The following AGBL1 variants were observed in gnomAD, a reference collection of about 807,000 sequenced individuals.
AGBL1 encodes the protein AGBL carboxypeptidase 1, also known as cytosolic carboxypeptidase 4.
A neutral mutation model predicts 118.9 loss-of-function variants in AGBL1; 130 were observed. The observed-to-expected ratio is 1.09, with a 90% CI of 0.95 to 1.26. AGBL1 has a LOEUF of 1.26. Among genes scored for constraint, AGBL1 ranks in the 50% most tolerant of loss-of-function variants. AGBL1 has a pLI of 0.00. For synonymous variants in AGBL1, 555 were observed against 478.9 expected, an observed-to-expected ratio of 1.16 and a Z score of -2.08; for missense variants, 1,584 against 1,298.1, an observed-to-expected ratio of 1.22 and a Z score of -3.38.
At chr15:86,751,610 A>C (rs2077853022) in intron 22 of AGBL1, among the ~76,000 whole-genome samples, 1 of 152,142 alleles carries the variant, frequency 6.6e-6, no homozygotes, top group African/African-American at 2.4e-5. Context: ...ATATTGCTAA[A>C]TTACCCTCCA....
At chr15:86,745,560 G>A (rs1567152722) in intron 22 of AGBL1, among the ~76,000 whole-genome samples, 2 of 151,914 alleles carry the variant, frequency 1.3e-5, no homozygotes, top group South Asian at 4.1e-4. Flanking sequence ...CAAAATCTTG[G>A]TCAAGGGGAG....
chr15:86,836,497 C>G (rs2079173374), intron 22 of AGBL1, among the ~76,000 whole-genome samples: 1 of 152,210 alleles, frequency 6.6e-6, no homozygotes, highest in African/African-American at 2.4e-5. Context: ...ACTTACCTTT[C>G]AGATTCTACT....
intron 21 of AGBL1, among the ~76,000 whole-genome samples, chr15:86,633,077 A>G (rs1327546878): frequency 6.6e-6 from 1 of 152,190 alleles, no homozygotes; most frequent in Non-Finnish European, 1.5e-5. Flanking sequence ...ATAAATCTAC[A>G]CTTAGACAAG....
rs371816461 is a variant in AGBL1 at position 86,347,627 on chromosome 15, TG to T, written c.2375-49738del. 2.2e-3 allele frequency among the ~76,000 whole-genome samples: 341 copies of T among 152,376 alleles called. 1 individual carries two copies. The highest frequency in any genetic ancestry group is 7.6e-3 in the African/African-American group (316 of 41,596). On this transcript the variant is annotated intron_variant, in intron 17 of 22. Coordinates refer to ENST00000614907, the MANE Select transcript of AGBL1 (RefSeq NM_001386094.1). ...AAGTAAATATATGCCTTCCTGAAGA[TG>T]TTGCATGTATATTTTCTATAAAATG...
At chr15:86,883,398 A>G (rs1000936050) in intron 22 of AGBL1, among the ~76,000 whole-genome samples, 1 of 152,194 alleles carries the variant, frequency 6.6e-6, no homozygotes, top group South Asian at 2.1e-4. Context: ...CGCTGTGCAC[A>G]CTATGGTCTC....
At chr15:86,286,735 G>GTGTGTATATATA in intron 16 of AGBL1, among the ~76,000 whole-genome samples, 11 of 106,240 alleles carry the variant, frequency 1.0e-4, no homozygotes, top group African/African-American at 4.3e-4. Context: ...GTTTGTGTGT[G>GTGTGTATATATA]TATATATATA....
intron 7 of AGBL1, among the ~76,000 whole-genome samples, chr15:86,249,304 C>T (rs928257508): frequency 6.6e-6 from 1 of 152,146 alleles, no homozygotes; most frequent in African/African-American, 2.4e-5. Flanking sequence ...CAGTTTTTCT[C>T]TATCTGAGTA....
At chr15:86,419,371 C>T (rs1375491961) in intron 18 of AGBL1, among the ~76,000 whole-genome samples, 6 of 152,114 alleles carry the variant, frequency 3.9e-5, no homozygotes, top group Non-Finnish European at 8.8e-5. Context: ...AGGAAACTCC[C>T]TCGTAGCCAA....
chr15:86,388,046 A>T (rs369287792), intron 17 of AGBL1, among the ~76,000 whole-genome samples: 8 of 152,284 alleles, frequency 5.3e-5, no homozygotes, highest in Admixed American at 3.9e-4. Flanking sequence ...TGGTTTGGAA[A>T]TGATAATCTG....
At chr15:86,839,812 C>T (rs1023138927) in intron 22 of AGBL1, among the ~76,000 whole-genome samples, 1 of 152,152 alleles carries the variant, frequency 6.6e-6, no homozygotes, top group Non-Finnish European at 1.5e-5. Context: ...AACCATTCAA[C>T]CCAGTCAAGC....
At chr15:86,765,161 A>C (rs1381682489) in intron 22 of AGBL1, among the ~76,000 whole-genome samples, 1 of 152,006 alleles carries the variant, frequency 6.6e-6, no homozygotes, top group Non-Finnish European at 1.5e-5. Context: ...AAGATGATAC[A>C]GACCCGGAAG....
At chr15:86,931,566 TTGCTGCTGCTGCTGCTGCTGC>T (rs59067780) in intron 23 of AGBL1, among the ~76,000 whole-genome samples, 52,375 of 150,428 alleles carry the variant, frequency 0.35, 10,856 homozygotes, top group Non-Finnish European at 0.47. Context: ...AGTGGTGCTT[TTGCTGCTGCTGCTGCTGCTGC>T]TGCTGCTGCT....
intron 22 of AGBL1, among the ~76,000 whole-genome samples, chr15:86,697,267 A>G (rs2086279133): frequency 6.6e-6 from 1 of 151,806 alleles, no homozygotes; most frequent in Non-Finnish European, 1.5e-5. Flanking sequence ...ACATAATCCC[A>G]AACTTCTTGG....
chr15:86,649,707 T>C (rs1246575561), intron 21 of AGBL1, among the ~76,000 whole-genome samples: 5 of 150,402 alleles, frequency 3.3e-5, no homozygotes, highest in Admixed American at 1.3e-4. Context: ...ATTTGGGTTT[T>C]TTTTCTTTTT....
intron 5 of AGBL1, among the ~76,000 whole-genome samples, chr15:86,196,332 G>C (rs1274714863): frequency 3.3e-5 from 5 of 152,124 alleles, no homozygotes; most frequent in African/African-American, 7.2e-5. Flanking sequence ...ACTCAGTGTT[G>C]ATTGCATACC....
chr15:86,586,714 T>TGTCTCTGCCC (rs2084253917), intron 21 of AGBL1, among the ~76,000 whole-genome samples: 2 of 152,096 alleles, frequency 1.3e-5, no homozygotes, highest in African/African-American at 4.8e-5. Flanking sequence ...AGGTATACAA[T>TGTCTCTGCCC]AGTTTGGTCT....
At chr15:86,399,456 G>C (rs1238046198) in intron 18 of AGBL1, among the ~76,000 whole-genome samples, 1 of 152,178 alleles carries the variant, frequency 6.6e-6, no homozygotes, top group Non-Finnish European at 1.5e-5. Flanking sequence ...AGGTCCAGTA[G>C]AGAATGGAAA....
intron 21 of AGBL1, among the ~76,000 whole-genome samples, chr15:86,662,915 A>T (rs544295540): frequency 6.8e-6 from 1 of 147,770 alleles, no homozygotes; most frequent in South Asian, 2.3e-4. Flanking sequence ...ACATCTTCAT[A>T]TTAAAATTAT....
intron 22 of AGBL1, among the ~76,000 whole-genome samples, chr15:86,863,102 A>G (rs2079580953): frequency 6.6e-6 from 1 of 152,214 alleles, no homozygotes; most frequent in South Asian, 2.1e-4. Flanking sequence ...GAAAACAATT[A>G]GAGAGATAGA....
Sources: allele counts gnomAD v4.1 joint callset (sites outside exome capture counted in the v4.1 genomes callset), GRCh38; gene constraint gnomAD v4.1.1; transcripts MANE v1.5; gene names NCBI Gene and HGNC (gene_info 2026-07-23, HGNC 2026-07-21).